RARB: variants seen among roughly 807,000 people sequenced by gnomAD.
RARB encodes HBV-activated protein.
A neutral mutation model predicts 51.9 loss-of-function variants in RARB; 17 were observed. The ratio of observed to expected loss-of-function variants is 0.33; its 90% CI spans 0.22 to 0.49. The LOEUF is 0.49. Among genes scored for constraint, RARB ranks in the 20% least tolerant of loss-of-function variants. RARB has a pLI of 0.99. For synonymous variants in RARB, 215 were observed against 195.4 expected, an observed-to-expected ratio of 1.10 and a Z score of -0.84; for missense variants, 369 against 550.8, an observed-to-expected ratio of 0.67 and a Z score of 3.30.
intron 5 of RARB, among the ~76,000 whole-genome samples, chr3:25,256,273 C>T (rs1322480237): frequency 6.6e-6 from 1 of 152,100 alleles, no homozygotes; most frequent in Non-Finnish European, 1.5e-5. Context: ...TTTTAATCTC[C>T]ATCAGAGAAA....
At chr3:25,228,503 T>A (rs1702107073) in intron 5 of RARB, among the ~76,000 whole-genome samples, 1 of 152,058 alleles carries the variant, frequency 6.6e-6, no homozygotes, top group African/African-American at 2.4e-5. Context: ...TCTTCTATTA[T>A]CTCCTGTATT....
chr3:24,875,057 T>C (rs1030382492), intron 2 of RARB, among the ~76,000 whole-genome samples: 3 of 152,158 alleles, frequency 2.0e-5, no homozygotes, highest in African/African-American at 7.2e-5. Flanking sequence ...CTTGCAAATT[T>C]ATATGCTTCT....
intron 5 of RARB, among the ~76,000 whole-genome samples, chr3:25,196,295 C>G (rs58849501): frequency 0.012 from 1,884 of 152,056 alleles, 41 homozygotes; most frequent in African/African-American, 0.042. Context: ...GGTTCAGTTC[C>G]CACCTATGAG....
chr3:25,302,398 A>G (rs1047718886), intron 5 of RARB, among the ~76,000 whole-genome samples: 2 of 152,242 alleles, frequency 1.3e-5, no homozygotes, highest in African/African-American at 4.8e-5. Flanking sequence ...CAAATGTGTT[A>G]TATCCACAAA....
At chr3:24,851,859 T>G (rs956607341) in intron 1 of RARB, among the ~76,000 whole-genome samples, 1 of 152,228 alleles carries the variant, frequency 6.6e-6, no homozygotes, top group Admixed American at 6.5e-5. Context: ...CAGTATAGTT[T>G]CTTCAAAGGA....
chr3:24,941,808 A>T (rs1204928578), intron 2 of RARB, among the ~76,000 whole-genome samples: 2 of 152,156 alleles, frequency 1.3e-5, no homozygotes. Flanking sequence ...TCTCCTCATA[A>T]AGCTAAGGAT....
intron 7 of RARB, among the ~76,000 whole-genome samples, chr3:25,594,998 C>T (rs1416996127): frequency 3.9e-5 from 6 of 152,196 alleles, no homozygotes; most frequent in Non-Finnish European, 1.5e-5. Flanking sequence ...GCTTTCTACA[C>T]ATCTCTGGTT....
At chr3:25,170,368 A>G (rs1399951416) in intron 4 of RARB, among the ~76,000 whole-genome samples, 1 of 152,166 alleles carries the variant, frequency 6.6e-6, no homozygotes, top group African/African-American at 2.4e-5. Context: ...TGTTAGCTGC[A>G]TCGGAGTCCT....
chr3:25,186,637 A>C (rs1228866605), intron 5 of RARB, among the ~76,000 whole-genome samples: 1 of 152,146 alleles, frequency 6.6e-6, no homozygotes, highest in Non-Finnish European at 1.5e-5. Flanking sequence ...AGATCATAGA[A>C]AGATAATGAA....
intron 2 of RARB, among the ~76,000 whole-genome samples, chr3:25,007,592 C>CAAAAAAAAAAAAAACAA (rs759589176): frequency 4.4e-5 from 2 of 45,418 alleles, no homozygotes; most frequent in East Asian, 9.9e-4. Flanking sequence ...GAGACTGTCT[C>CAAAAAAAAAAAAAACAA]AAAAAAAAAA....
intron 5 of RARB, among the ~76,000 whole-genome samples, chr3:25,356,923 A>C (rs1267875136): frequency 6.6e-6 from 1 of 152,132 alleles, no homozygotes; most frequent in Non-Finnish European, 1.5e-5. Context: ...ATTGATGGGC[A>C]TTTGGGTTGG....
chr3:25,395,569 T>C (rs7650661), intron 5 of RARB, among the ~76,000 whole-genome samples: 417 of 152,276 alleles, frequency 2.7e-3, no homozygotes, highest in African/African-American at 9.4e-3. Flanking sequence ...AACATAATCC[T>C]ACATTTCTTG....
intron 4 of RARB, among the ~76,000 whole-genome samples, chr3:25,142,741 C>T (rs1700129004): frequency 6.6e-6 from 1 of 152,082 alleles, no homozygotes; most frequent in African/African-American, 2.4e-5. Flanking sequence ...AGAAAGCCTC[C>T]AGAAACCAAG....
At chr3:25,284,538 A>G (rs768990574) in intron 5 of RARB, among the ~76,000 whole-genome samples, 9 of 152,158 alleles carry the variant, frequency 5.9e-5, no homozygotes, top group Non-Finnish European at 1.3e-4. Flanking sequence ...GGCCTCAAAC[A>G]ACAGCATTTA....
intron 3 of RARB, among the ~76,000 whole-genome samples, chr3:25,099,165 G>C (rs1306953566): frequency 6.6e-6 from 1 of 152,140 alleles, no homozygotes; most frequent in East Asian, 1.9e-4. Context: ...AGAACAGGTA[G>C]GCACTCCCAA....
At chr3:25,459,299 A>G (rs6773209) in intron 1 of RARB, among the ~76,000 whole-genome samples, 2,520 of 152,334 alleles carry the variant, frequency 0.017, 31 homozygotes, top group African/African-American at 0.031. Context: ...AGTTATCACA[A>G]TAGCCTCAGT....
At chr3:25,019,601 TA>T (rs1203101701) in intron 2 of RARB, among the ~76,000 whole-genome samples, 1 of 152,222 alleles carries the variant, frequency 6.6e-6, no homozygotes, top group African/African-American at 2.4e-5. Context: ...CAGGGCTTTT[TA>T]TCTGTGCCTC....
Position 24,876,465 on chromosome 3 carries a change from A to G in RARB, c.-380+17713A>G, listed in dbSNP as rs950956865. 2.6e-5 allele frequency among the ~76,000 whole-genome samples: 4 copies of G among 152,176 alleles called. No homozygotes were observed. The South Asian group carries it at 8.3e-4, about 31-fold the overall frequency. ...GAATCCAATGAAAATAAGTTATAATAATGGCTTGAAAAAGAATCAGGTAGC... is the reference window on the plus strand; with the variant it reads ...GAATCCAATGAAAATAAGTTATAATGATGGCTTGAAAAAGAATCAGGTAGC... On this transcript the variant is annotated intron_variant, in intron 2 of 11. Transcript: ENST00000383772.
intron 5 of RARB, among the ~76,000 whole-genome samples, chr3:25,231,881 G>T (rs1182999610): frequency 1.3e-5 from 2 of 151,780 alleles, no homozygotes; most frequent in Non-Finnish European, 2.9e-5. Context: ...TTCTCTTAGT[G>T]TTTTTTACAG....
Sources: allele counts gnomAD v4.1 joint callset (sites outside exome capture counted in the v4.1 genomes callset), GRCh38; gene constraint gnomAD v4.1.1; transcripts MANE v1.5; gene names NCBI Gene and HGNC (gene_info 2026-07-23, HGNC 2026-07-21).